Variants in KIF1C observed in about 807,000 individuals in gnomAD.
KIF1C encodes the protein kinesin-like protein KIF1C.
KIF1C carries 61 observed loss-of-function variants against 126.5 expected under a neutral mutation model. That is an observed-to-expected ratio of 0.48 (90% CI 0.39 to 0.60). The LOEUF is 0.60. Ranked by LOEUF, KIF1C falls within the 20% of genes least tolerant of loss-of-function variation. The pLI is 0.00. For missense variants in KIF1C, 1,315 were observed against 1,489.2 expected, an observed-to-expected ratio of 0.88 and a Z score of 1.93; for synonymous variants, 640 against 580.6, an observed-to-expected ratio of 1.10 and a Z score of -1.47.
chr17:5,009,856 C>T (rs769725547), intron 16 of KIF1C, among the ~76,000 whole-genome samples: 16 of 151,814 alleles, frequency 1.1e-4, no homozygotes, highest in Admixed American at 8.5e-4. Flanking sequence ...CATGTACAGG[C>T]ATATGTTATA....
intron 8 of KIF1C, 74 bp from the exon 9 acceptor site, chr17:5,003,538 C>G (rs930400030): frequency 2.6e-5 from 28 of 1,069,672 alleles, no homozygotes; most frequent in Non-Finnish European, 3.7e-5. Context: ...CACATTCCTG[C>G]TGGGTGCTTC....
Position 5,026,413 on chromosome 17 carries a change from A to G in KIF1C, c.*2262A>G, listed in dbSNP as rs1483377670. ...TTTAAAAGACGGATTATTTTTCCCT[A>G]AAGACCTTGACTTATGTAAATGTAT... On this transcript the variant is annotated 3_prime_UTR_variant, in exon 23 of 23. Transcript: ENST00000320785. The G allele has an allele frequency of 6.6e-6, 1 of 152,106 alleles. No individual in the cohort carries two copies. Among genetic ancestry groups the G allele is most frequent in the Non-Finnish European group, 1.5e-5 (1 of 68,022 alleles). 9.4% of individuals were successfully genotyped at this position (152,106 alleles called of 1,614,324 possible).
In KIF1C at chr17:5,002,516, A is replaced by T. The variant is rs1359365653; in HGVS notation, c.482A>T (p.Lys161Met). 1 of 1,613,362 alleles carries T rather than the reference A, an allele frequency of 6.2e-7. No homozygotes were observed. The highest frequency in any genetic ancestry group is 8.5e-7 in the Non-Finnish European group (1 of 1,179,380). Residue 161 changes from lysine (K) to methionine (M), a missense_variant, in exon 7 of 23, where the codon AAG (lysine) becomes ATG (methionine). Coordinates refer to ENST00000320785, the MANE Select transcript of KIF1C (RefSeq NM_006612.6). The part of the protein sequence containing the change: ...CERVRDLLNP[K>M]SRGSLRVREH... ...CGGGTACGAGACCTCTTGAACCCCA[A>T]GAGTCGGGGTTCTCTGCGGGTCCGG...
At chr17:5,007,117 C>G (rs1443061927) in intron 14 of KIF1C, 33 bp downstream of exon 14, 2 of 1,578,040 alleles carry the variant, frequency 1.3e-6, no homozygotes, top group Non-Finnish European at 8.6e-7. Context: ...GGCTGGGGGT[C>G]TGGGCATTCC....
chr17:5,022,117 A>G lies in KIF1C; in HGVS notation c.2036A>G (p.Asp679Gly). Residue 679 changes from aspartate to glycine, a missense_variant, in exon 22 of 23, where the codon GAC becomes GGC. Physicochemically the swap from Asp to Gly is moderately conservative, Grantham distance 94. Coordinates refer to ENST00000320785, the MANE Select transcript of KIF1C (RefSeq NM_006612.6). This position sits in a 1 kb window ranked among gnomAD's most constrained non-coding sequence, Gnocchi z 4.9. ...RLYADSDSGD[D>G]SDKRSCEESW... The stretch of plus-strand genomic sequence containing the variant: ...TATGCAGACTCGGACAGCGGGGATG[A>G]CTCTGACAAGCGCTCTTGTGAAGAG... 6.2e-7 allele frequency: 1 copy of G among 1,608,506 alleles called. No homozygotes were observed. The highest frequency in any genetic ancestry group is 8.5e-7 in the Non-Finnish European group (1 of 1,175,932).
At chr17:5,021,730 C>T (rs565356854) in intron 21 of KIF1C, among the ~76,000 whole-genome samples, 13 of 152,224 alleles carry the variant, frequency 8.5e-5, no homozygotes, top group Middle Eastern at 3.4e-3. Context: ...GATCCTCCTG[C>T]CTTGGCCTTC....
chr17:5,013,687 T>C lies in KIF1C; in HGVS notation c.1526T>C (p.Leu509Pro), dbSNP rs535557199. 1 of 1,613,856 alleles carries C rather than the reference T, an allele frequency of 6.2e-7. No individual in the cohort carries two copies. Among genetic ancestry groups the C allele is most frequent in the South Asian group, 1.1e-5 (1 of 91,070 alleles). Residue 509 changes from leucine to proline, a missense_variant, in exon 17 of 23, where the codon CTG (leucine) becomes CCG (proline). This residue lies in a region of KIF1C where 874 missense variants were observed against 1,053.2 expected (regional missense o/e 0.83). Coordinates refer to ENST00000320785, the MANE Select transcript of KIF1C (RefSeq NM_006612.6). Reference protein sequence around the residue: ...PHLVNLNEDPLMSECLLYHIK... With the variant: ...PHLVNLNEDPPMSECLLYHIK... ...CTGGTGAACCTGAACGAAGACCCTC[T>C]GATGTCTGAGTGTCTGCTCTACCAC...
At chr17:5,006,843 T>G in intron 13 of KIF1C, 72 bp from the exon 14 acceptor site, 2 of 1,495,330 alleles carry the variant, frequency 1.3e-6, no homozygotes, top group Non-Finnish European at 1.8e-6. Flanking sequence ...GTGAAGCTCT[T>G]GGTCTCCTGG....
rs1342943977 is a variant in KIF1C, at chr17:5,027,277, C to T, written c.*3126C>T. The T allele has an allele frequency of 4.6e-5, 7 of 152,162 alleles. No homozygotes were observed. The highest frequency in any genetic ancestry group is 8.8e-5 in the Non-Finnish European group (6 of 68,050). 9.4% of individuals were successfully genotyped at this position (152,162 alleles called of 1,614,324 possible). On this transcript the variant is annotated 3_prime_UTR_variant, in exon 23 of 23. Coordinates refer to ENST00000320785, the MANE Select transcript of KIF1C (RefSeq NM_006612.6). ...CTGAGTAGCTAGGATTACAGGCGCCCACAACCGCACCCGGCTAATTTTTTG... is the reference window on the plus strand; with the variant it reads ...CTGAGTAGCTAGGATTACAGGCGCCTACAACCGCACCCGGCTAATTTTTTG...
chr17:5,013,159 A>G (rs1212290961), intron 16 of KIF1C, among the ~76,000 whole-genome samples: 1 of 152,206 alleles, frequency 6.6e-6, no homozygotes, highest in African/African-American at 2.4e-5. Flanking sequence ...TTCAAGGTTG[A>G]TGAAAGGTGG....
At chr17:5,003,727 T>C (rs371125451) in intron 9 of KIF1C, 38 bp downstream of exon 9, 529 of 1,584,504 alleles carry the variant, frequency 3.3e-4, no homozygotes, top group Non-Finnish European at 3.9e-4. Context: ...TGTGGGGCAG[T>C]GTTGTGGGCT....
intron 18 of KIF1C, among the ~76,000 whole-genome samples, 178 bp downstream of exon 18, chr17:5,015,015 G>A (rs1254825130): frequency 1.3e-5 from 2 of 152,144 alleles, no homozygotes; most frequent in African/African-American, 4.8e-5. Flanking sequence ...AATACCACAG[G>A]CCCAGCCCTC....
chr17:5,023,828 G>T lies in KIF1C; in HGVS notation c.2989G>T (p.Gly997Trp). The change falls in exon 23 of 23, where the codon GGG becomes TGG. Residue 997 changes from glycine to tryptophan, a missense_variant. Around this residue, in one of 2 missense-constraint regions of KIF1C, gnomAD observed 441 missense variants for 436.1 expected, o/e 1.01. Transcript: ENST00000320785. The surrounding 1 kb of genome is among the most constrained non-coding windows in gnomAD (Gnocchi z 4.2). ...HRESWPGMGS[G>W]EAPTPLQPPE... ...GGAGTCTTGGCCAGGGATGGGGAGC[G>T]GGGAGGCTCCAACTCCGCTCCAACC... 6.6e-7 allele frequency: 1 copy of T among 1,518,406 alleles called. No homozygotes were observed. Among genetic ancestry groups the T allele is most frequent in the Non-Finnish European group, 8.8e-7 (1 of 1,134,478 alleles). The allele number at this position is 1,518,406 out of a possible 1,614,324, so 94.1% of individuals were successfully genotyped here.
In KIF1C at chr17:5,007,640, C is replaced by T. The variant is rs185112421; in HGVS notation, c.1491+98C>T. 4.1e-4 allele frequency: 372 copies of T among 911,718 alleles called. 2 individuals carry two copies. The African/African-American group carries it at 5.7e-3, about 14-fold the overall frequency. 56.5% of individuals were successfully genotyped at this position (911,718 alleles called of 1,614,324 possible). ...TAGTGAGTGCTGTCCCTGATCGCTC[C>T]CTTTGAGGTCCCCGGCTTGTCCCTC... On this transcript the variant is annotated intron_variant, in intron 16 of 22. Transcript: ENST00000320785.
chr17:5,020,484 A>C lies in KIF1C; in HGVS notation c.1751-8A>C. On this transcript the variant is annotated splice_polypyrimidine_tract_variant and splice_region_variant and intron_variant, in intron 19 of 22. Coordinates refer to ENST00000320785, the MANE Select transcript of KIF1C (RefSeq NM_006612.6). The surrounding 1 kb of genome is among the most constrained non-coding windows in gnomAD (Gnocchi z 5.8). ...AGCGAGTTTACTTTTCCCTCCTCCCATCTCTAGGGAATAGGATTGTGATGG... is the reference window on the plus strand; with the variant it reads ...AGCGAGTTTACTTTTCCCTCCTCCCCTCTCTAGGGAATAGGATTGTGATGG... The C allele has an allele frequency of 6.2e-7, 1 of 1,601,286 alleles. No individual in the cohort carries two copies. Among genetic ancestry groups the C allele is most frequent in the South Asian group, 1.1e-5 (1 of 90,400 alleles).
intron 16 of KIF1C, among the ~76,000 whole-genome samples, chr17:5,009,217 T>C (rs1332720640): frequency 6.6e-6 from 1 of 151,552 alleles, no homozygotes; most frequent in Non-Finnish European, 1.5e-5. Context: ...TCTTGTACTG[T>C]CACCCGGGCT....
chr17:5,013,865 A>G, intron 17 of KIF1C, 133 bp downstream of exon 17: 1 of 638,898 alleles, frequency 1.6e-6, no homozygotes, highest in Non-Finnish European at 2.7e-6. Context: ...CTGCCTCCAC[A>G]GCCCTGCACG....
chr17:5,015,784 C>T (rs1170132393), intron 18 of KIF1C, among the ~76,000 whole-genome samples: 1 of 150,676 alleles, frequency 6.6e-6, no homozygotes, highest in Admixed American at 6.6e-5. Flanking sequence ...TTAGTAGAGA[C>T]GGGGTTTCAC....
intron 16 of KIF1C, 74 bp downstream of exon 16, chr17:5,007,616 A>G (rs1173640295): frequency 1.3e-5 from 16 of 1,273,360 alleles, no homozygotes; most frequent in Non-Finnish European, 1.7e-5. Context: ...GGTGCAGGGT[A>G]GTGAGTGCTG....
Sources: gnomAD v4.1 joint callset for allele counts (sites outside exome capture counted in the v4.1 genomes callset) on GRCh38, gnomAD v4.1.1 for gene constraint, gnomAD v4.1.1 regional missense constraint, Gnocchi (gnomAD v3.1) non-coding constraint, MANE v1.5 for transcripts, NCBI Gene and HGNC (gene_info 2026-07-23, HGNC 2026-07-21) for gene names.